GGPS1: variants seen among roughly 807,000 people sequenced by gnomAD.
The protein encoded by GGPS1 is geranylgeranyl diphosphate synthase 1.
A neutral mutation model predicts 28.1 loss-of-function variants in GGPS1; 15 were observed. The ratio of observed to expected loss-of-function variants is 0.53; its 90% CI spans 0.36 to 0.82. The LOEUF (loss-of-function observed/expected upper bound fraction) is 0.82, where lower values mean the gene tolerates loss of function less well. Ranked by LOEUF, GGPS1 falls within the 40% of genes least tolerant of loss-of-function variation. The pLI, the probability that GGPS1 is intolerant of heterozygous loss-of-function variation, is 0.01. For missense variants in GGPS1, 284 were observed against 348.3 expected (o/e 0.82, Z 1.47); for synonymous variants, 138 against 122.4 (o/e 1.13, Z -0.84).
Position 235,342,394 on chromosome 1 carries a change from GC to G in GGPS1, c.526del (p.Leu176TyrfsTer33). The G allele has an allele frequency of 6.2e-7, 1 of 1,613,966 alleles. No individual in the cohort carries two copies. Among genetic ancestry groups the G allele is most frequent in the Non-Finnish European group, 8.5e-7 (1 of 1,179,848 alleles). On this transcript the variant is annotated frameshift_variant, in exon 4 of 4. Transcript: ENST00000282841. LOFTEE classifies it high-confidence loss of function. ...FSDYKEDLKP[L>X]LNTLGLFFQI... The stretch of plus-strand genomic sequence containing the variant: ...CTGATTACAAAGAAGATTTAAAACC[GC>G]TACTTAATACACTTGGGCTCTTTTT...
intron 2 of GGPS1, among the ~76,000 whole-genome samples, chr1:235,339,241 G>A (rs1039727669): frequency 6.6e-6 from 1 of 151,944 alleles, no homozygotes; most frequent in African/African-American, 2.4e-5. Context: ...GGAGGTTGCA[G>A]TGAGCCAAGA....
At chr1:235,333,942 T>G (rs1176554566) in intron 1 of GGPS1, among the ~76,000 whole-genome samples, 2 of 152,182 alleles carry the variant, frequency 1.3e-5, no homozygotes, top group East Asian at 1.9e-4. Context: ...AGCAGTTAGA[T>G]TCCTAATATG....
In GGPS1 at chr1:235,342,120, G is replaced by C. The variant is rs1676064503; in HGVS notation, c.251G>C (p.Gly84Ala). Residue 84 changes from glycine to alanine, a missense_variant, in exon 4 of 4, where the codon GGA becomes GCA. Coordinates refer to ENST00000282841, the MANE Select transcript of GGPS1 (RefSeq NM_004837.4). ...TTTCCAGTGGCCCACAGCATCTATG[G>C]AATCCCATCTGTCATCAATTCTGCC... ...RGFPVAHSIY[G>A]IPSVINSANY... 1.2e-6 allele frequency: 2 copies of C among 1,613,936 alleles called. No homozygotes were observed. Among genetic ancestry groups the C allele is most frequent in the South Asian group, 2.2e-5 (2 of 91,078 alleles).
chr1:235,344,151 CAAAAAAAAA>C lies in GGPS1; in HGVS notation c.*1390_*1398del, dbSNP rs77179024. 8 of 78,020 alleles carry C rather than the reference CAAAAAAAAA, an allele frequency of 1.0e-4. 1 individual carries two copies. The South Asian group carries it at 4.6e-3, about 45-fold the overall frequency. The allele number at this position is 78,020 out of a possible 1,614,324, so 4.8% of individuals were successfully genotyped here. The stretch of plus-strand genomic sequence containing the variant: ...GTCATCTGTGGCCCAAGAGGTAGGA[CAAAAAAAAA>C]AAAAAAAAAAGCTGATTTCAATATT... On this transcript the variant is annotated 3_prime_UTR_variant, in exon 4 of 4. Coordinates refer to ENST00000282841, the MANE Select transcript of GGPS1 (RefSeq NM_004837.4).
chr1:235,340,061 G>C lies in GGPS1; in HGVS notation c.71-1647G>C, dbSNP rs116161971. Among the ~76,000 whole-genome samples, 1,453 of 152,186 alleles carry C rather than the reference G, an allele frequency of 9.5e-3. 23 individuals carry two copies. Among genetic ancestry groups the C allele is most frequent in the African/African-American group, 0.034 (1,398 of 41,510 alleles). ...GCAGGAGAATAGCTTGATCTTGGGAGGCGGAGGTTGCAAGTGAGCCGAGAT... is the reference window on the plus strand; with the variant it reads ...GCAGGAGAATAGCTTGATCTTGGGACGCGGAGGTTGCAAGTGAGCCGAGAT... On this transcript the variant is annotated intron_variant, in intron 2 of 3. Coordinates refer to ENST00000282841, the MANE Select transcript of GGPS1 (RefSeq NM_004837.4).
chr1:235,328,716 T>G lies in GGPS1; in HGVS notation c.-86T>G, dbSNP rs1475339199. The G allele has an allele frequency of 1.3e-5, 2 of 152,562 alleles. No individual in the cohort carries two copies. The highest frequency in any genetic ancestry group is 2.9e-5 in the Non-Finnish European group (2 of 68,088). 9.5% of individuals were successfully genotyped at this position (152,562 alleles called of 1,614,324 possible). A position where few individuals can be genotyped will look rare whatever the true frequency, so the allele number is the denominator to read the frequency against. The stretch of plus-strand genomic sequence containing the variant: ...TAAGTCCACATTATAAAATAGGAAG[T>G]TGATGCGGGGTACAGTTACTCCCGG... On this transcript the variant is annotated 5_prime_UTR_variant, in exon 1 of 4. Transcript: ENST00000282841.
chr1:235,332,392 A>G (rs1341916888), intron 1 of GGPS1, among the ~76,000 whole-genome samples: 1 of 152,170 alleles, frequency 6.6e-6, no homozygotes, highest in Non-Finnish European at 1.5e-5. Flanking sequence ...TGCAAATGAC[A>G]TGATTTCATT....
intron 1 of GGPS1, chr1:235,329,028 C>A (rs1375946507): frequency 6.6e-6 from 1 of 152,320 alleles, no homozygotes; most frequent in East Asian, 1.9e-4. Context: ...GGACTCTGTG[C>A]TAGCACTGTA....
Position 235,342,782 on chromosome 1 carries a change from A to C in GGPS1, c.*10A>C. On this transcript the variant is annotated 3_prime_UTR_variant, in exon 4 of 4. Coordinates refer to ENST00000282841, the MANE Select transcript of GGPS1 (RefSeq NM_004837.4). ...AGAAGAAAATGAATAATGTTAAGCCATTCTTGATTGGACCTCATAGCTTAT... is the reference window on the plus strand; with the variant it reads ...AGAAGAAAATGAATAATGTTAAGCCCTTCTTGATTGGACCTCATAGCTTAT... 1 of 1,527,558 alleles carries C rather than the reference A, an allele frequency of 6.5e-7. No individual in the cohort carries two copies. Among genetic ancestry groups the C allele is most frequent in the African/African-American group, 1.4e-5 (1 of 71,872 alleles). 94.6% of individuals were successfully genotyped at this position (1,527,558 alleles called of 1,614,324 possible). A position where few individuals can be genotyped will look rare whatever the true frequency, so the allele number is the denominator to read the frequency against.
chr1:235,342,880 A>G lies in GGPS1; in HGVS notation c.*108A>G. On this transcript the variant is annotated 3_prime_UTR_variant, in exon 4 of 4. Coordinates refer to ENST00000282841, the MANE Select transcript of GGPS1 (RefSeq NM_004837.4). ...ATTTGTTATTCTCCAGAAACAGTAAATAGGTGAGTAGGGGTGGTGCAAGTG... is the reference window on the plus strand; with the variant it reads ...ATTTGTTATTCTCCAGAAACAGTAAGTAGGTGAGTAGGGGTGGTGCAAGTG... 3 of 689,968 alleles carry G rather than the reference A, an allele frequency of 4.3e-6. No individual in the cohort carries two copies. The highest frequency in any genetic ancestry group is 7.4e-6 in the Non-Finnish European group (3 of 407,958). 42.7% of individuals were successfully genotyped at this position (689,968 alleles called of 1,614,324 possible).
In GGPS1 at chr1:235,343,304, C is replaced by T. The variant is rs1379843305; in HGVS notation, c.*532C>T. 1 of 165,642 alleles carries T rather than the reference C, an allele frequency of 6.0e-6. No homozygotes were observed. The highest frequency in any genetic ancestry group is 1.5e-5 in the Non-Finnish European group (1 of 68,330). 10.3% of individuals were successfully genotyped at this position (165,642 alleles called of 1,614,324 possible). On this transcript the variant is annotated 3_prime_UTR_variant, in exon 4 of 4. Coordinates refer to ENST00000282841, the MANE Select transcript of GGPS1 (RefSeq NM_004837.4). ...GGCGCGGTGGCTCACGCCTGTAATC[C>T]CAGCACTTTGGGAGGCCGAGGCGGG...
chr1:235,334,176 G>A (rs1045067019), intron 1 of GGPS1, among the ~76,000 whole-genome samples: 1 of 151,622 alleles, frequency 6.6e-6, no homozygotes, highest in Non-Finnish European at 1.5e-5. Flanking sequence ...CTAGGGGGAC[G>A]AGGAGAATCC....
At chr1:235,327,222 G>A (rs1675348198), upstream of GGPS1, 1 of 327,336 alleles carries the variant, frequency 3.1e-6, no homozygotes, top group Non-Finnish European at 5.7e-6. Flanking sequence ...CTACGACAAT[G>A]ACGCCATTTC....
chr1:235,337,534 G>A (rs1306985345), intron 2 of GGPS1, among the ~76,000 whole-genome samples: 2 of 152,058 alleles, frequency 1.3e-5, no homozygotes, highest in East Asian at 3.9e-4. Flanking sequence ...GAGCTTCAGA[G>A]TTACTAAAGT....
At chr1:235,339,773 AAG>A (rs2103348073) in intron 2 of GGPS1, among the ~76,000 whole-genome samples, 2 of 152,038 alleles carry the variant, frequency 1.3e-5, no homozygotes, top group South Asian at 2.1e-4. Context: ...AAAAAAAAAA[AAG>A]AAAACAGTAT....
chr1:235,336,441 T>G (rs1221900554), intron 2 of GGPS1, among the ~76,000 whole-genome samples: 1 of 151,520 alleles, frequency 6.6e-6, no homozygotes, highest in Admixed American at 6.6e-5. Flanking sequence ...AACTCATGAA[T>G]ATAATAAACA....
At chr1:235,333,067 C>CAAAAAAA (rs5781828) in intron 1 of GGPS1, among the ~76,000 whole-genome samples, 1 of 43,318 alleles carries the variant, frequency 2.3e-5, no homozygotes, top group African/African-American at 1.2e-4. Context: ...GACTCCGTCT[C>CAAAAAAA]AAAAAAAAAA....
At chr1:235,335,042 T>C (rs1675824765) in intron 1 of GGPS1, among the ~76,000 whole-genome samples, 200 bp from the exon 2 acceptor site, 1 of 152,178 alleles carries the variant, frequency 6.6e-6, no homozygotes, top group Admixed American at 6.6e-5. Flanking sequence ...CTCGAACTCC[T>C]GGGCTTAAGC....
intron 1 of GGPS1, among the ~76,000 whole-genome samples, chr1:235,332,675 A>G (rs1249586782): frequency 6.6e-6 from 1 of 152,182 alleles, no homozygotes; most frequent in Admixed American, 6.5e-5. Flanking sequence ...GGATTAATTT[A>G]TAATATAAAT....
Sources: allele counts gnomAD v4.1 joint callset (sites outside exome capture counted in the v4.1 genomes callset), GRCh38; gene constraint gnomAD v4.1.1; transcripts MANE v1.5; gene names NCBI Gene and HGNC (gene_info 2026-07-23, HGNC 2026-07-21).